Variants in NHSL1 observed in about 807,000 individuals in gnomAD.
NHSL1 encodes NHS like 1.
A neutral mutation model predicts 95.0 loss-of-function variants in NHSL1; 48 were observed. The observed-to-expected ratio is 0.51, with a 90% CI of 0.40 to 0.64. The LOEUF (loss-of-function observed/expected upper bound fraction) is 0.64, where lower values mean the gene tolerates loss of function less well. NHSL1 is among the 30% of genes least tolerant of loss of function. The probability of loss-of-function intolerance (pLI) is 0.00; values close to 1 mark genes in which losing one functional copy is unlikely to be tolerated. For missense variants in NHSL1, 1,971 were observed against 2,077.7 expected, an observed-to-expected ratio of 0.95 and a Z score of 1.00; for synonymous variants, 783 against 833.9, an observed-to-expected ratio of 0.94 and a Z score of 1.05.
intron 3 of NHSL1, among the ~76,000 whole-genome samples, chr6:138,460,845 C>A (rs1042710036): frequency 6.6e-6 from 1 of 151,558 alleles, no homozygotes. Flanking sequence ...CACCAGCACT[C>A]CTGTTATCAC....
chr6:138,433,780 T>C, intron 5 of NHSL1, 100 bp from the exon 6 acceptor site: 3 of 1,399,748 alleles, frequency 2.1e-6, no homozygotes, highest in Non-Finnish European at 2.8e-6. Context: ...AAAATTTTTC[T>C]ATTTGATTTA....
intron 1 of NHSL1, 99 bp downstream of exon 1, chr6:138,499,134 G>GACACACAC (rs55946895): frequency 4.8e-6 from 3 of 629,974 alleles, no homozygotes; most frequent in East Asian, 3.1e-5. Context: ...CACACACATG[G>GACACACAC]ACACACACAC....
chr6:138,531,870 A>AT (rs908597486), intron 1 of NHSL1, among the ~76,000 whole-genome samples: 2 of 151,990 alleles, frequency 1.3e-5, no homozygotes, highest in East Asian at 1.9e-4. Context: ...TATATCTTAA[A>AT]TTTTTTTCAA....
chr6:138,557,599 G>C (rs891145694), intron 1 of NHSL1, among the ~76,000 whole-genome samples: 3 of 152,212 alleles, frequency 2.0e-5, no homozygotes, highest in Admixed American at 2.0e-4. Context: ...AATATTCAGC[G>C]GCCATCAGGG....
chr6:138,496,903 C>T (rs1780386884), intron 1 of NHSL1, among the ~76,000 whole-genome samples: 1 of 152,214 alleles, frequency 6.6e-6, no homozygotes, highest in Admixed American at 6.5e-5. Flanking sequence ...CGTAAACATT[C>T]AATTTACATG....
At chr6:138,511,410 G>T (rs1781221128) in intron 1 of NHSL1, among the ~76,000 whole-genome samples, 1 of 151,806 alleles carries the variant, frequency 6.6e-6, no homozygotes, top group East Asian at 1.9e-4. Context: ...GTGTGTGTGT[G>T]TATGTGTGTG....
chr6:138,633,687 C>T (rs1167174149), intron 1 of NHSL1, among the ~76,000 whole-genome samples: 1 of 152,152 alleles, frequency 6.6e-6, no homozygotes, highest in Non-Finnish European at 1.5e-5. Context: ...AAAGGGAAAA[C>T]TTCAATCAGA....
chr6:138,688,361 A>T (rs1785614819), intron 1 of NHSL1, among the ~76,000 whole-genome samples: 1 of 151,992 alleles, frequency 6.6e-6, no homozygotes, highest in African/African-American at 2.4e-5. Context: ...AAATAAAAAC[A>T]GGGGCCAGGC....
intron 3 of NHSL1, among the ~76,000 whole-genome samples, chr6:138,457,662 C>A (rs1276225628): frequency 1.3e-5 from 2 of 151,924 alleles, no homozygotes; most frequent in African/African-American, 2.4e-5. Flanking sequence ...TGTAACACAC[C>A]CCTCCCCTCA....
At chr6:138,427,720 C>A (rs369333111) in intron 7 of NHSL1, among the ~76,000 whole-genome samples, 1 of 152,132 alleles carries the variant, frequency 6.6e-6, no homozygotes, top group Non-Finnish European at 1.5e-5. Flanking sequence ...AAATCTGAAG[C>A]GAATTAATTT....
Position 138,424,767 on chromosome 6 carries a change from G to C in NHSL1, c.4135C>G (p.Arg1379Gly). ...GRRDSDDDHS[R>G]NHSPSPPVTP... is the part of the protein sequence containing the mutation. ...ACGGGCGGGGAGGGAGAATGGTTTC[G>C]GGAGTGGTCATCATCTGAATCTCTA... Residue 1379 changes from arginine (R) to glycine (G), a missense_variant, in exon 8 of 8, where the codon CGA (arginine) becomes GGA (glycine). Physicochemically the swap from Arg to Gly is moderately radical, Grantham distance 125. Around this residue, in one of 3 missense-constraint regions of NHSL1, gnomAD observed 146 missense variants for 206.3 expected, o/e 0.71. Coordinates refer to ENST00000343505, the MANE Select transcript of NHSL1 (RefSeq NM_001144060.2). The surrounding 1 kb of genome is among the most constrained non-coding windows in gnomAD (Gnocchi z 5.9). 6.4e-7 allele frequency: 1 copy of C among 1,551,348 alleles called. No individual in the cohort carries two copies. The highest frequency in any genetic ancestry group is 8.7e-7 in the Non-Finnish European group (1 of 1,146,796).
At chr6:138,440,503 C>G (rs975223509) in intron 5 of NHSL1, among the ~76,000 whole-genome samples, 7 of 152,182 alleles carry the variant, frequency 4.6e-5, no homozygotes, top group Admixed American at 1.3e-4. Context: ...TTGTAATAAA[C>G]CAATCCATGA....
chr6:138,588,868 C>A (rs1159499512), intron 1 of NHSL1, among the ~76,000 whole-genome samples: 1 of 152,112 alleles, frequency 6.6e-6, no homozygotes, highest in Non-Finnish European at 1.5e-5. Flanking sequence ...AGTATCCCTG[C>A]CTGTTCGAAA....
In NHSL1 at chr6:138,632,540, G is replaced by A. The variant is rs1784833403; in HGVS notation, c.96+59936C>T. Among the ~76,000 whole-genome samples, 4 of 152,160 alleles carry A rather than the reference G, an allele frequency of 2.6e-5. 1 individual carries two copies. In the South Asian group the frequency reaches 8.3e-4, roughly 32 times the overall value. Reference sequence around the variant, plus strand: ...GAACAGAAAGAGGAACCTTTTTTGGGAGAAAGGGAAGAGAGCAAGAGTTTC... The same window carrying A: ...GAACAGAAAGAGGAACCTTTTTTGGAAGAAAGGGAAGAGAGCAAGAGTTTC... On this transcript the variant is annotated intron_variant, in intron 1 of 3. Coordinates refer to the NHSL1 transcript ENST00000491526.
At chr6:138,557,183 C>A (rs1447427877) in intron 1 of NHSL1, among the ~76,000 whole-genome samples, 3 of 152,072 alleles carry the variant, frequency 2.0e-5, no homozygotes, top group Admixed American at 2.0e-4. Context: ...TCCACCGTAC[C>A]AAAACGAAAA....
At chr6:138,540,498 T>C (rs373960471) in intron 1 of NHSL1, among the ~76,000 whole-genome samples, 1 of 152,198 alleles carries the variant, frequency 6.6e-6, no homozygotes, top group African/African-American at 2.4e-5. Flanking sequence ...AAATAACAAA[T>C]CTGTTTCTGA....
chr6:138,687,966 T>TGGGGG (rs1405764574), intron 1 of NHSL1, among the ~76,000 whole-genome samples: 6,794 of 151,840 alleles, frequency 0.045, 313 homozygotes, highest in African/African-American at 0.12. Flanking sequence ...TTTTTTTTTT[T>TGGGGG]GGGGACACAG....
At chr6:138,659,861 T>C (rs1272843632) in intron 1 of NHSL1, among the ~76,000 whole-genome samples, 3 of 152,026 alleles carry the variant, frequency 2.0e-5, no homozygotes, top group Non-Finnish European at 4.4e-5. Flanking sequence ...ATTACAGGCA[T>C]GCACCATCAC....
At chr6:138,492,204 C>A (rs76748613) in intron 2 of NHSL1, among the ~76,000 whole-genome samples, 10 of 152,134 alleles carry the variant, frequency 6.6e-5, no homozygotes, top group Non-Finnish European at 1.3e-4. Flanking sequence ...AAGACTATCT[C>A]CTCTCTCATG....
Sources: gnomAD v4.1 joint callset for allele counts (sites outside exome capture counted in the v4.1 genomes callset) on GRCh38, gnomAD v4.1.1 for gene constraint, gnomAD v4.1.1 regional missense constraint, Gnocchi (gnomAD v3.1) non-coding constraint, MANE v1.5 for transcripts, NCBI Gene and HGNC (gene_info 2026-07-23, HGNC 2026-07-21) for gene names.